GABPB2: variants seen among roughly 807,000 people sequenced by gnomAD.
The protein encoded by GABPB2 is GA-binding protein subunit beta-2.
GABPB2 carries 23 observed loss-of-function variants against 39.1 expected under a neutral mutation model. The ratio of observed to expected loss-of-function variants is 0.59; its 90% confidence interval spans 0.42 to 0.83. The LOEUF (loss-of-function observed/expected upper bound fraction) is 0.83. Ranked by LOEUF, GABPB2 falls within the 40% of genes least tolerant of loss-of-function variation. GABPB2 has a pLI of 0.00. For missense variants in GABPB2, 467 were observed against 541.1 expected (o/e 0.86, Z 1.36); for synonymous variants, 184 against 199.3 (o/e 0.92, Z 0.65).
At chr1:151,085,080 GAGC>G (rs1678064545) in intron 1 of GABPB2, among the ~76,000 whole-genome samples, 1 of 150,614 alleles carries the variant, frequency 6.6e-6, no homozygotes, top group Non-Finnish European at 1.5e-5. Flanking sequence ...CTGGGTGACA[GAGC>G]AAGAACCCGT....
intron 5 of GABPB2, among the ~76,000 whole-genome samples, chr1:151,098,954 G>A (rs587624962): frequency 7.5e-4 from 114 of 151,818 alleles, no homozygotes; most frequent in South Asian, 1.2e-3. Flanking sequence ...TGTGGTGGTG[G>A]GTGCCTGTAA....
intron 2 of GABPB2, among the ~76,000 whole-genome samples, chr1:151,088,688 T>C (rs1430277158): frequency 1.3e-5 from 2 of 152,336 alleles, no homozygotes; most frequent in East Asian, 3.9e-4. Context: ...TCCTTTTCTC[T>C]AATATGCCCT....
At chr1:151,113,293 CCT>C (rs1263010605) in intron 7 of GABPB2, among the ~76,000 whole-genome samples, 1 of 151,524 alleles carries the variant, frequency 6.6e-6, no homozygotes, top group Non-Finnish European at 1.5e-5. Flanking sequence ...GCGGTGAAAC[CCT>C]GTCTCTACTA....
At chr1:151,109,353 T>TACACAA (rs370718064) in intron 7 of GABPB2, among the ~76,000 whole-genome samples, 71,594 of 114,424 alleles carry the variant, frequency 0.63, 23,361 homozygotes, top group East Asian at 0.9. Flanking sequence ...AATATATATA[T>TACACAA]ATATATATAT....
intron 1 of GABPB2, among the ~76,000 whole-genome samples, chr1:151,086,767 A>G (rs1038891355): frequency 2.6e-5 from 4 of 152,000 alleles, no homozygotes; most frequent in African/African-American, 7.3e-5. Flanking sequence ...TCCTGAGCTC[A>G]AGTTTTCCTC....
chr1:151,094,751 A>G (rs913872848), intron 4 of GABPB2, among the ~76,000 whole-genome samples: 1 of 149,568 alleles, frequency 6.7e-6, no homozygotes, highest in Non-Finnish European at 1.5e-5. Context: ...TCATGCCTGT[A>G]ATCCCAACAC....
intron 1 of GABPB2, among the ~76,000 whole-genome samples, chr1:151,083,191 A>C (rs951182828): frequency 6.6e-6 from 1 of 152,168 alleles, no homozygotes; most frequent in African/African-American, 2.4e-5. Flanking sequence ...TTTATTATAC[A>C]ATGTCAAAAA....
intron 5 of GABPB2, among the ~76,000 whole-genome samples, chr1:151,101,293 TG>T (rs1366864838): frequency 6.7e-6 from 1 of 148,422 alleles, no homozygotes; most frequent in Non-Finnish European, 1.5e-5. Flanking sequence ...TAAAATATAT[TG>T]CTTAGTGTGC....
chr1:151,093,485 AGTAGCACTTCTAATAT>A, intron 4 of GABPB2, 99 bp downstream of exon 4: 2 of 856,364 alleles, frequency 2.3e-6, no homozygotes, highest in Non-Finnish European at 3.5e-6. Context: ...ATTTTATTAA[AGTAGCACTTCTAATAT>A]GTCTCAATCT....
At chr1:151,089,298 G>A (rs1678471221) in intron 2 of GABPB2, among the ~76,000 whole-genome samples, 1 of 152,072 alleles carries the variant, frequency 6.6e-6, no homozygotes, top group Admixed American at 6.6e-5. Context: ...AAATAGACCT[G>A]GAAAGAACAA....
chr1:151,085,886 G>A (rs931289060), intron 1 of GABPB2, among the ~76,000 whole-genome samples: 5 of 152,052 alleles, frequency 3.3e-5, no homozygotes, highest in African/African-American at 1.2e-4. Context: ...CAACACTTTG[G>A]GATTCTATTG....
At position 151,114,695 on chromosome 1, in the gene GABPB2, CAAAAG is replaced by C. The variant is rs776013333; in HGVS notation, c.923-2682_923-2678del. Among the ~76,000 whole-genome samples the C allele has an allele frequency of 3.3e-4, 49 of 149,698 alleles. 1 individual carries two copies. In the South Asian group the frequency reaches 8.8e-3, roughly 27 times the overall value. ...CTGGAGACAGAGCGAGACTCTGTCT[CAAAAG>C]AAAAGAAAAGAAAACAAATGAGAAA... On this transcript the variant is annotated intron_variant, in intron 7 of 8. Transcript: ENST00000368918.
At chr1:151,073,979 CTTTTTT>C (rs587690492) in intron 1 of GABPB2, among the ~76,000 whole-genome samples, 1 of 129,052 alleles carries the variant, frequency 7.7e-6, no homozygotes, top group African/African-American at 2.9e-5. Flanking sequence ...ATGGTTATTT[CTTTTTT>C]TTTTTTTTTT....
chr1:151,103,819 C>A, intron 6 of GABPB2, 144 bp downstream of exon 6: 1 of 594,996 alleles, frequency 1.7e-6, no homozygotes, highest in African/African-American at 1.9e-5. Flanking sequence ...CATCATTGAA[C>A]ATCAGAAAGA....
At chr1:151,096,188 C>G (rs965468922) in intron 4 of GABPB2, among the ~76,000 whole-genome samples, 2 of 152,032 alleles carry the variant, frequency 1.3e-5, no homozygotes, top group African/African-American at 4.8e-5. Flanking sequence ...CTTTGGGAGG[C>G]TGAGGAGGGT....
intron 3 of GABPB2, among the ~76,000 whole-genome samples, chr1:151,091,630 A>G (rs587662643): frequency 9.0e-4 from 136 of 150,816 alleles, no homozygotes; most frequent in Non-Finnish European, 1.5e-3. Context: ...GCCCACCACC[A>G]TGCTCAGCTA....
intron 5 of GABPB2, among the ~76,000 whole-genome samples, chr1:151,100,692 G>A (rs368790822): frequency 4.3e-5 from 6 of 140,818 alleles, no homozygotes; most frequent in South Asian, 4.6e-4. Context: ...AGGTTCAAGC[G>A]ATTCTTGTGC....
At chr1:151,116,605 T>TTTTG (rs906909612) in intron 7 of GABPB2, among the ~76,000 whole-genome samples, 1 of 152,084 alleles carries the variant, frequency 6.6e-6, no homozygotes, top group South Asian at 2.1e-4. Context: ...CTGCAGTTTT[T>TTTTG]TTTGTTTGTT....
At chr1:151,085,080 G>C (rs1678064376) in intron 1 of GABPB2, among the ~76,000 whole-genome samples, 1 of 150,614 alleles carries the variant, frequency 6.6e-6, no homozygotes, top group Admixed American at 6.6e-5. Context: ...CTGGGTGACA[G>C]AGCAAGAACC....
Sources: allele counts gnomAD v4.1 joint callset (sites outside exome capture counted in the v4.1 genomes callset), GRCh38; gene constraint gnomAD v4.1.1; transcripts MANE v1.5; gene names NCBI Gene and HGNC (gene_info 2026-07-23, HGNC 2026-07-21).